Variants in TUBGCP2 observed in about 807,000 individuals in gnomAD.
TUBGCP2 encodes the protein gamma-tubulin complex component 2.
A neutral mutation model predicts 92.2 loss-of-function variants in TUBGCP2; 55 were observed. The ratio of observed to expected loss-of-function variants is 0.60; its 90% CI spans 0.48 to 0.75. TUBGCP2 has a LOEUF of 0.75. Among genes scored for constraint, TUBGCP2 ranks in the 30% least tolerant of loss-of-function variants. The pLI, the probability that TUBGCP2 is intolerant of heterozygous loss-of-function variation, is 0.00. For synonymous variants in TUBGCP2, 533 were observed against 505.2 expected (o/e 1.06, Z -0.74); for missense variants, 1,093 against 1,188.9 (o/e 0.92, Z 1.19).
chr10:133,289,690 C>T lies in TUBGCP2; in HGVS notation c.1360+134G>A, dbSNP rs545572322. On this transcript the variant is annotated intron_variant, in intron 9 of 17. Coordinates refer to ENST00000252936, the MANE Select transcript of TUBGCP2 (RefSeq NM_006659.4). ...CACGGGCCAGTCCTGACCTCAGCCC[C>T]GCATTCACGGACACCAGGGCTCAGG... is the stretch of plus-strand genomic sequence containing the variant. 3.0e-5 allele frequency: 32 copies of T among 1,066,768 alleles called. 1 individual carries two copies. In the South Asian group the frequency reaches 3.3e-4, roughly 11 times the overall value. The allele number at this position is 1,066,768 out of a possible 1,614,324, so 66.1% of individuals were successfully genotyped here. A position where few individuals can be genotyped will look rare whatever the true frequency, so the allele number is the denominator to read the frequency against.
At position 133,302,822 on chromosome 10, in the gene TUBGCP2, G is replaced by C. The variant is rs774817606; in HGVS notation, c.120C>G (p.Val40=). 6.2e-6 allele frequency: 10 copies of C among 1,613,112 alleles called. No homozygotes were observed. Among genetic ancestry groups the C allele is most frequent in the Non-Finnish European group, 8.5e-6 (10 of 1,179,996 alleles). ...DLLQKNRTPY[V]TTTVSAHSAK... The stretch of plus-strand genomic sequence containing the variant: ...CACTGTGAGCAGAGACAGTGGTAGT[G>C]ACGTACGGGGTCCTGTTCTTTTGAA... The change falls in exon 2 of 18, where the codon GTC becomes GTG. Residue 40 remains valine (V), a synonymous_variant. Transcript: ENST00000252936.
At chr10:133,300,202 C>G (rs1847609258) in intron 2 of TUBGCP2, 89 bp from the exon 3 acceptor site, 9 of 1,464,902 alleles carry the variant, frequency 6.1e-6, no homozygotes. Context: ...CACAATAAGC[C>G]AATGGAATTA....
At chr10:133,280,336 A>C (rs1225446018) in intron 17 of TUBGCP2, among the ~76,000 whole-genome samples, 5 of 152,164 alleles carry the variant, frequency 3.3e-5, no homozygotes, top group African/African-American at 1.2e-4. Flanking sequence ...AGTGGTTCTC[A>C]ATGCAGGGTG....
chr10:133,292,092 T>C (rs1456775013), intron 8 of TUBGCP2, among the ~76,000 whole-genome samples: 1 of 5,660 alleles, frequency 1.8e-4, no homozygotes, highest in Non-Finnish European at 3.1e-4. Flanking sequence ...TCCGTGTCCC[T>C]CCGTGTCCCT....
Position 133,279,545 on chromosome 10 carries a change from A to G in TUBGCP2, c.*221T>C. 1.5e-6 allele frequency: 1 copy of G among 652,512 alleles called. No individual in the cohort carries two copies. The highest frequency in any genetic ancestry group is 3.4e-5 in the East Asian group (1 of 29,714). 40.4% of individuals were successfully genotyped at this position (652,512 alleles called of 1,614,324 possible). ...AAAAGGTGATAGTGTAATTTCAAAA[A>G]GCAAACAGATTAGCAAATCCAGGGA... is the stretch of plus-strand genomic sequence containing the variant. On this transcript the variant is annotated 3_prime_UTR_variant, in exon 18 of 18. Coordinates refer to ENST00000252936, the MANE Select transcript of TUBGCP2 (RefSeq NM_006659.4).
At chr10:133,283,300 G>A in intron 14 of TUBGCP2, 79 bp from the exon 15 acceptor site, 1 of 1,590,422 alleles carries the variant, frequency 6.3e-7, no homozygotes, top group Non-Finnish European at 8.6e-7. Flanking sequence ...GCTCAGTTCT[G>A]GCTTTGTGCA....
chr10:133,299,458 C>G lies in TUBGCP2; in HGVS notation c.425G>C (p.Gly142Ala), dbSNP rs748686050. Reference sequence around the variant, plus strand: ...CAGCGTGGAGCCTGTGGCCACGCTGCCAAGCTGCTTCCTCAGTTCCTCAAG... The same window carrying G: ...CAGCGTGGAGCCTGTGGCCACGCTGGCAAGCTGCTTCCTCAGTTCCTCAAG... Reference protein sequence around the residue: ...QELEELRKQLGSVATGSTLQQ... With the variant: ...QELEELRKQLASVATGSTLQQ... Residue 142 changes from glycine (G) to alanine (A), a missense_variant, in exon 4 of 18, where the codon GGC (glycine) becomes GCC (alanine). Gly to Ala is a moderately conservative substitution (Grantham distance 60). Coordinates refer to ENST00000252936, the MANE Select transcript of TUBGCP2 (RefSeq NM_006659.4). 6.2e-7 allele frequency: 1 copy of G among 1,609,750 alleles called. No homozygotes were observed. The highest frequency in any genetic ancestry group is 1.1e-5 in the South Asian group (1 of 90,998).
At chr10:133,309,450 C>T (rs1372700349), upstream of TUBGCP2, 4 of 1,612,372 alleles carry the variant, frequency 2.5e-6, no homozygotes, top group Non-Finnish European at 3.4e-6. Context: ...GGCCGACGTG[C>T]CTGAGAAGCC....
In TUBGCP2 at chr10:133,293,666, C is replaced by T. The variant is rs142279711; in HGVS notation, c.720G>A (p.Gly240=). 1,199 of 1,598,970 alleles carry T rather than the reference C, an allele frequency of 7.5e-4. 5 individuals are homozygous for T. The highest frequency in any genetic ancestry group is 5.8e-3 in the Middle Eastern group (35 of 6,052). Residue 240 remains glycine, a synonymous_variant, in exon 6 of 18, where the codon GGG becomes GGA. Transcript: ENST00000252936. The part of the protein sequence containing the change: ...GRYVSAQPLA[G]RQSRTFLVDP... ...CCACGAGGAAGGTCCGGCTCTGCCT[C>T]CCAGCCAGGGGCTGAGCACTGACGT... is the stretch of plus-strand genomic sequence containing the variant.
In TUBGCP2 at chr10:133,288,980, G is replaced by A. The variant is rs1465986182; in HGVS notation, c.1401C>T (p.Val467=). The change falls in exon 10 of 18, where the codon GTC becomes GTT. Residue 467 remains valine, a synonymous_variant. Transcript: ENST00000252936. ...LNVVRECGHD[V]TCPVAKEIIY... is the part of the protein sequence containing the mutation. ...TGATCTCTTTAGCCACCGGGCAGGT[G>A]ACGTCATGGCCACACTCTCTGACCA... 6.2e-7 allele frequency: 1 copy of A among 1,613,952 alleles called. No individual in the cohort carries two copies. The highest frequency in any genetic ancestry group is 1.1e-5 in the South Asian group (1 of 91,070).
rs368840940 is a variant in TUBGCP2, at chr10:133,301,189, C to T, written c.151-1076G>A. On this transcript the variant is annotated intron_variant, in intron 2 of 17. Coordinates refer to ENST00000252936, the MANE Select transcript of TUBGCP2 (RefSeq NM_006659.4). ...TGTTGCCCAGGCTGGAGTGCAATGGCGTGATCTAGGCTCACCGCAACCTCC... is the reference window on the plus strand; with the variant it reads ...TGTTGCCCAGGCTGGAGTGCAATGGTGTGATCTAGGCTCACCGCAACCTCC... Among the ~76,000 whole-genome samples, 12 of 152,250 alleles carry T rather than the reference C, an allele frequency of 7.9e-5. No homozygotes were observed. In the East Asian group the frequency reaches 2.3e-3, roughly 29 times the overall value.
At chr10:133,280,628 G>C (rs1428399813) in intron 17 of TUBGCP2, among the ~76,000 whole-genome samples, 1 of 152,218 alleles carries the variant, frequency 6.6e-6, no homozygotes, top group Non-Finnish European at 1.5e-5. Context: ...AGGGAGAGCT[G>C]GGCTAGCCTG....
At chr10:133,307,404 A>C (rs1193478823) in intron 1 of TUBGCP2, among the ~76,000 whole-genome samples, 2 of 152,264 alleles carry the variant, frequency 1.3e-5, no homozygotes, top group Non-Finnish European at 2.9e-5. Context: ...AGGGACGTGA[A>C]AAAGAGTCTC....
rs190781483 is a variant in TUBGCP2, at chr10:133,300,713, G to A, written c.151-600C>T. ...ACTGCTCTCAAACTCCCAGGCTCAA[G>A]CCATCCACCTGCCTCGTCCCAAAGT... On this transcript the variant is annotated intron_variant, in intron 2 of 17. Transcript: ENST00000252936. Among the ~76,000 whole-genome samples, 518 of 146,668 alleles carry A rather than the reference G, an allele frequency of 3.5e-3. 4 individuals carry two copies. The highest frequency in any genetic ancestry group is 6.9e-3 in the Middle Eastern group (2 of 288).
intron 3 of TUBGCP2, 82 bp downstream of exon 3, chr10:133,299,903 G>A (rs1252903556): frequency 4.5e-6 from 7 of 1,548,898 alleles, no homozygotes; most frequent in Non-Finnish European, 6.2e-6. Flanking sequence ...ACAGGAAGAT[G>A]GCGTGGAGTG....
In TUBGCP2 at chr10:133,285,534, G is replaced by C; in HGVS notation, c.1817C>G (p.Thr606Arg). The change falls in exon 12 of 18, where the codon ACG (threonine) becomes AGG (arginine). Residue 606 changes from threonine (T) to arginine (R), a missense_variant. Physicochemically the swap from Thr to Arg is moderately conservative, Grantham distance 71 (BLOSUM62 -1). This residue lies in a region of TUBGCP2 where 598 missense variants were observed against 675.5 expected (regional missense o/e 0.89). Coordinates refer to ENST00000252936, the MANE Select transcript of TUBGCP2 (RefSeq NM_006659.4). The surrounding 1 kb of genome is among the most constrained non-coding windows in gnomAD (Gnocchi z 6.8). ...CTCCAGGCCGCTCAGCGCCAGCTCC[G>C]TGGGGTCGGCGTGCGCCATCGCCTT... is the stretch of plus-strand genomic sequence containing the variant. ...QEKAMAHADP[T>R]ELALSGLEAF... is the part of the protein sequence containing the mutation. The C allele has an allele frequency of 1.3e-6, 2 of 1,598,872 alleles. No individual in the cohort carries two copies. Among genetic ancestry groups the C allele is most frequent in the South Asian group, 2.2e-5 (2 of 89,910 alleles).
chr10:133,306,356 T>C (rs1370548870), intron 1 of TUBGCP2, among the ~76,000 whole-genome samples: 4 of 152,194 alleles, frequency 2.6e-5, no homozygotes, highest in Admixed American at 6.5e-5. Context: ...CAGGTTGTCC[T>C]ATAACTGCTG....
rs1847401405 is a variant in TUBGCP2 at position 133,293,076 on chromosome 10, C to T, written c.987G>A (p.Gln329=). Residue 329 remains glutamine (Q), a synonymous_variant, in exon 7 of 18, where the codon CAG becomes CAA. Coordinates refer to ENST00000252936, the MANE Select transcript of TUBGCP2 (RefSeq NM_006659.4). ...GGATGTCCATGGTGCGCATGGCTGG[C>T]TGGATGTAGAACCAGAGCTTCTGCA... ...LSLQKLWFYI[Q]PAMRTMDILA... is the part of the protein sequence containing the mutation. The T allele has an allele frequency of 1.2e-6, 2 of 1,613,534 alleles. No homozygotes were observed. The highest frequency in any genetic ancestry group is 2.7e-5 in the African/African-American group (2 of 74,932).
At position 133,292,155 on chromosome 10, in the gene TUBGCP2, C is replaced by T. The variant is rs368839449; in HGVS notation, c.1214+344G>A. ...CGTGTCCCGGGGAGCCCTACCTGTA[C>T]GGGAGAGGGCAGCATGCACACTCCG... On this transcript the variant is annotated intron_variant, in intron 8 of 17. Transcript: ENST00000252936. 2.3e-3 allele frequency among the ~76,000 whole-genome samples: 16 copies of T among 6,930 alleles called. 1 individual carries two copies. The highest frequency in any genetic ancestry group is 5.2e-3 in the Non-Finnish European group (14 of 2,680). The allele number at this position is 6,930 out of a possible 152,430, so 4.5% of individuals were successfully genotyped here.
Sources: allele counts gnomAD v4.1 joint callset (sites outside exome capture counted in the v4.1 genomes callset), GRCh38; gene constraint gnomAD v4.1.1; regional missense constraint gnomAD v4.1.1; non-coding constraint Gnocchi (gnomAD v3.1); transcripts MANE v1.5; gene names NCBI Gene and HGNC (gene_info 2026-07-23, HGNC 2026-07-21).